The following MMRN1 variants were observed in gnomAD, a reference collection of about 807,000 sequenced individuals.
MMRN1 encodes the protein multimerin-1.
MMRN1 carries 94 observed loss-of-function variants against 100.7 expected under a neutral mutation model. That is an observed-to-expected ratio of 0.93 (90% CI 0.79 to 1.11). The LOEUF (loss-of-function observed/expected upper bound fraction) is 1.11, where lower values mean the gene tolerates loss of function less well. MMRN1 is among the 50% of genes least tolerant of loss of function. MMRN1 has a pLI of 0.00. For missense variants in MMRN1, 1,606 were observed against 1,439.1 expected (o/e 1.12, Z -1.88); for synonymous variants, 575 against 505.0 (o/e 1.14, Z -1.86).
chr4:89,914,334 TAGAAAG>T (rs1185534910), intron 3 of MMRN1, among the ~76,000 whole-genome samples: 3 of 151,386 alleles, frequency 2.0e-5, no homozygotes, highest in Non-Finnish European at 4.4e-5. Flanking sequence ...TCGAAACTGT[TAGAAAG>T]AGATGTGGTG....
intron 6 of MMRN1, among the ~76,000 whole-genome samples, chr4:89,942,223 A>G (rs1722853797): frequency 6.6e-6 from 1 of 152,200 alleles, no homozygotes; most frequent in African/African-American, 2.4e-5. Context: ...TCCCAACAAT[A>G]GACGATTTCT....
At chr4:89,917,490 T>C (rs1370943188) in intron 3 of MMRN1, among the ~76,000 whole-genome samples, 2 of 151,884 alleles carry the variant, frequency 1.3e-5, no homozygotes, top group East Asian at 1.9e-4. Flanking sequence ...AAATTAAGAA[T>C]GCATTACTTT....
intron 1 of MMRN1, among the ~76,000 whole-genome samples, chr4:89,884,324 C>G (rs1720886575): frequency 6.6e-6 from 1 of 151,924 alleles, no homozygotes; most frequent in African/African-American, 2.4e-5. Context: ...GTTTTCCAGT[C>G]CTTGAACTTG....
At position 89,953,266 on chromosome 4, in the gene MMRN1, A is replaced by T; in HGVS notation, c.3535A>T (p.Ser1179Cys). Residue 1179 changes from serine to cysteine, a missense_variant, in exon 8 of 8, where the codon AGT becomes TGT. Transcript: ENST00000264790. Reference protein sequence around the residue: ...KLAFESENINSEIHCDRVLTG... With the variant: ...KLAFESENINCEIHCDRVLTG... ...TGCATTTGAGTCTGAAAATATTAAC[A>T]GTGAAATACACTGTGATAGGGTTTT... is the stretch of plus-strand genomic sequence containing the variant. 6.2e-7 allele frequency: 1 copy of T among 1,613,940 alleles called. No homozygotes were observed. Among genetic ancestry groups the T allele is most frequent in the Non-Finnish European group, 8.5e-7 (1 of 1,179,866 alleles).
At chr4:89,914,733 G>C (rs1019919351) in intron 3 of MMRN1, among the ~76,000 whole-genome samples, 2 of 151,466 alleles carry the variant, frequency 1.3e-5, no homozygotes, top group African/African-American at 4.8e-5. Context: ...TTTTCAAAAA[G>C]TCAGCAGTAA....
chr4:89,950,456 G>A (rs538422186), intron 6 of MMRN1, among the ~76,000 whole-genome samples: 10 of 152,204 alleles, frequency 6.6e-5, no homozygotes, highest in African/African-American at 9.6e-5. Context: ...ACTCCAGCCA[G>A]CATTGCATGA....
chr4:89,936,720 C>G lies in MMRN1; in HGVS notation c.3040C>G (p.Leu1014Val), dbSNP rs747363923. The change falls in exon 6 of 8, where the codon CTT (leucine) becomes GTT (valine). Residue 1014 changes from leucine to valine, a missense_variant. By Grantham distance (32) the Leu-to-Val change is conservative (BLOSUM62 1). Coordinates refer to ENST00000264790, the MANE Select transcript of MMRN1 (RefSeq NM_007351.3). ...ATCATTGCCAAAGAAAATTAACGCA[C>G]TTAAGAAACCAACGGTAAATCTTAC... ...VKSLPKKINA[L>V]KKPTVNLTTV... is the part of the protein sequence containing the mutation. 1.9e-6 allele frequency: 3 copies of G among 1,613,314 alleles called. No individual in the cohort carries two copies. In the African/African-American group the frequency reaches 4.0e-5, roughly 22 times the overall value.
rs146772094 is a variant in MMRN1 at position 89,930,769 on chromosome 4, C to T, written c.1129+2801C>T. Among the ~76,000 whole-genome samples the T allele has an allele frequency of 3.7e-3, 568 of 151,902 alleles. 4 individuals are homozygous for T. The highest frequency in any genetic ancestry group is 7.2e-3 in the Non-Finnish European group (492 of 67,896). On this transcript the variant is annotated intron_variant, in intron 5 of 7. Coordinates refer to ENST00000264790, the MANE Select transcript of MMRN1 (RefSeq NM_007351.3). ...TATTCTTTTTTGTAAGACCAGAAAT[C>T]GAATTTTCTAAATTTTACTTACTCT...
At chr4:89,896,244 A>G (rs1721203528) in intron 1 of MMRN1, among the ~76,000 whole-genome samples, 1 of 152,190 alleles carries the variant, frequency 6.6e-6, no homozygotes, top group Non-Finnish European at 1.5e-5. Flanking sequence ...TGCTCCTCAC[A>G]GAATAGGTGC....
At chr4:89,903,794 C>T (rs1294580788) in intron 1 of MMRN1, among the ~76,000 whole-genome samples, 1 of 150,640 alleles carries the variant, frequency 6.6e-6, no homozygotes, top group Non-Finnish European at 1.5e-5. Context: ...CAGCGACGAA[C>T]TATGTTATGG....
chr4:89,928,072 G>T, intron 5 of MMRN1, 104 bp downstream of exon 5: 1 of 902,538 alleles, frequency 1.1e-6, no homozygotes, highest in East Asian at 3.0e-5. Context: ...AGTTTGGGTG[G>T]TATGGAAACC....
chr4:89,890,597 G>A (rs950712482), upstream of MMRN1, among the ~76,000 whole-genome samples: 3 of 152,048 alleles, frequency 2.0e-5, no homozygotes, highest in African/African-American at 7.2e-5. Flanking sequence ...TTCCAGAAGT[G>A]GAAGTCACTA....
chr4:89,942,508 A>G (rs1467792564), intron 6 of MMRN1, among the ~76,000 whole-genome samples: 2 of 152,168 alleles, frequency 1.3e-5, no homozygotes. Context: ...TGTGTAATAT[A>G]CTAACTGCAT....
At chr4:89,884,245 C>G (rs964397837) in intron 1 of MMRN1, among the ~76,000 whole-genome samples, 1 of 151,984 alleles carries the variant, frequency 6.6e-6, no homozygotes, top group African/African-American at 2.4e-5. Flanking sequence ...CAAAAATCTG[C>G]TAAGATTAAT....
chr4:89,908,308 A>C (rs1439312505), intron 1 of MMRN1, among the ~76,000 whole-genome samples: 2 of 151,472 alleles, frequency 1.3e-5, no homozygotes, highest in Admixed American at 1.3e-4. Flanking sequence ...AATTTTTGCC[A>C]TAAAAGGTAA....
At chr4:89,891,539 A>C (rs1680926141), upstream of MMRN1, among the ~76,000 whole-genome samples, 1 of 152,120 alleles carries the variant, frequency 6.6e-6, no homozygotes, top group Non-Finnish European at 1.5e-5. Context: ...CATGTTTGTA[A>C]GAATTAAATA....
intron 5 of MMRN1, among the ~76,000 whole-genome samples, chr4:89,930,587 A>T (rs1722404736): frequency 6.6e-6 from 1 of 152,074 alleles, no homozygotes; most frequent in Non-Finnish European, 1.5e-5. Context: ...AAGAAGGTCG[A>T]ATCTGAACCT....
intron 3 of MMRN1, 127 bp from the exon 4 acceptor site, chr4:89,923,041 A>T (rs984014100): frequency 1.3e-6 from 1 of 743,562 alleles, no homozygotes; most frequent in Non-Finnish European, 2.3e-6. Context: ...TTACTCTGCA[A>T]TCATCCCCGA....
At chr4:89,888,609 C>T (rs768890975) in intron 1 of MMRN1, among the ~76,000 whole-genome samples, 4 of 152,002 alleles carry the variant, frequency 2.6e-5, no homozygotes, top group Admixed American at 1.3e-4. Flanking sequence ...CCACAGATCT[C>T]GACACTGTGT....
Sources: gnomAD v4.1 joint callset for allele counts (sites outside exome capture counted in the v4.1 genomes callset) on GRCh38, gnomAD v4.1.1 for gene constraint, MANE v1.5 for transcripts, NCBI Gene and HGNC (gene_info 2026-07-23, HGNC 2026-07-21) for gene names.